The following TENM2 variants were observed in gnomAD, a reference collection of about 807,000 sequenced individuals.
TENM2 encodes teneurin transmembrane protein 2.
In TENM2, 52 loss-of-function variants were observed where a neutral mutation model predicts 245.2. The observed-to-expected ratio is 0.21, with a 90% CI of 0.17 to 0.27. The LOEUF (loss-of-function observed/expected upper bound fraction) is 0.27. Among genes scored for constraint, TENM2 ranks in the 10% least tolerant of loss-of-function variants. TENM2 has a pLI of 1.00. For synonymous variants in TENM2, 1,363 were observed against 1,438.9 expected (o/e 0.95, Z 1.19); for missense variants, 3,046 against 3,666.8 (o/e 0.83, Z 4.37).
At chr5:168,231,764 A>AAAC (rs375964905) in intron 25 of TENM2, among the ~76,000 whole-genome samples, 1 of 151,656 alleles carries the variant, frequency 6.6e-6, no homozygotes, top group Non-Finnish European at 1.5e-5. Context: ...CTACAACAAC[A>AAAC]AACAACAACA....
chr5:167,969,655 C>G (rs1412353592), intron 4 of TENM2, among the ~76,000 whole-genome samples: 2 of 152,198 alleles, frequency 1.3e-5, no homozygotes, highest in Non-Finnish European at 2.9e-5. Flanking sequence ...CTCAGCCTTG[C>G]ACTTCTTTAC....
chr5:168,209,375 C>G (rs1226740155), intron 19 of TENM2, among the ~76,000 whole-genome samples: 2 of 152,200 alleles, frequency 1.3e-5, no homozygotes, highest in African/African-American at 2.4e-5. Context: ...CTTTTACTCT[C>G]TGCAGTGATG....
chr5:167,282,128 A>G (rs71603826), upstream of TENM2, among the ~76,000 whole-genome samples: 1 of 152,196 alleles, frequency 6.6e-6, no homozygotes, highest in African/African-American at 2.4e-5. Flanking sequence ...TTTCCCAAGC[A>G]CAATGCAAAT....
intron 2 of TENM2, among the ~76,000 whole-genome samples, chr5:167,521,356 C>A (rs1305547526): frequency 6.6e-6 from 1 of 152,092 alleles, no homozygotes; most frequent in Non-Finnish European, 1.5e-5. Context: ...TGCATACCAG[C>A]AGAGAAAGAT....
chr5:167,145,455 C>G, the TENM2 span, among the ~76,000 whole-genome samples: 1 of 152,214 alleles, frequency 6.6e-6, no homozygotes, highest in Admixed American at 6.5e-5. Context: ...TTAATCCCAC[C>G]CAACCTTCGA....
chr5:168,236,476 TC>T (rs1302191433), intron 25 of TENM2, among the ~76,000 whole-genome samples: 5 of 152,036 alleles, frequency 3.3e-5, no homozygotes, highest in African/African-American at 4.8e-5. Flanking sequence ...CCCTGATTCT[TC>T]TCCCACCCTC....
At chr5:167,853,590 C>A (rs994284069) in intron 2 of TENM2, among the ~76,000 whole-genome samples, 1 of 152,058 alleles carries the variant, frequency 6.6e-6, no homozygotes, top group Admixed American at 6.6e-5. Flanking sequence ...TATTTTAAGG[C>A]AAATGTTTAT....
chr5:168,229,699 G>C (rs1196783895), intron 25 of TENM2: 1 of 152,168 alleles, frequency 6.6e-6, no homozygotes, highest in African/African-American at 2.4e-5. Flanking sequence ...TTGAAATCCA[G>C]CCAGCCCAGG....
chr5:168,220,143 G>C (rs954844328), intron 23 of TENM2, among the ~76,000 whole-genome samples: 1 of 152,140 alleles, frequency 6.6e-6, no homozygotes, highest in Non-Finnish European at 1.5e-5. Flanking sequence ...CTGCCCTCGA[G>C]GGTACCATCC....
At position 168,077,965 on chromosome 5, in the gene TENM2, A is replaced by C. The variant is rs1791630339; in HGVS notation, c.1516-12609A>C. ...CCCAGTAACAGGATGGCTGGCACAA[A>C]TGGTATTTCTAGTTCTAGATCCTTG... On this transcript the variant is annotated intron_variant, in intron 7 of 28. Coordinates refer to ENST00000518659, the Ensembl canonical transcript of TENM2. Among the ~76,000 whole-genome samples, 3 of 152,326 alleles carry C rather than the reference A, an allele frequency of 2.0e-5. No individual in the cohort carries two copies. In the Middle Eastern group the frequency reaches 0.01, roughly 518 times the overall value.
the TENM2 span, among the ~76,000 whole-genome samples, chr5:167,220,741 A>T: frequency 6.6e-6 from 1 of 152,180 alleles, no homozygotes; most frequent in Non-Finnish European, 1.5e-5. Flanking sequence ...CTGAAAGATG[A>T]GGATGATAAT....
intron 2 of TENM2, among the ~76,000 whole-genome samples, chr5:167,734,096 AT>A (rs1379440726): frequency 6.6e-6 from 1 of 152,000 alleles, no homozygotes; most frequent in Non-Finnish European, 1.5e-5. Context: ...GACTTTGGGG[AT>A]TTTCTGTAAT....
At chr5:167,216,969 A>G in the TENM2 span, among the ~76,000 whole-genome samples, 18 of 152,236 alleles carry the variant, frequency 1.2e-4, no homozygotes, top group Middle Eastern at 6.8e-3. Flanking sequence ...AACTGTATGT[A>G]TGTGATTTCA....
the TENM2 span, among the ~76,000 whole-genome samples, chr5:167,268,240 A>G: frequency 6.6e-5 from 10 of 152,204 alleles, no homozygotes; most frequent in African/African-American, 2.4e-4. Flanking sequence ...AATAATGGAC[A>G]AAATAATAAT....
the TENM2 span, among the ~76,000 whole-genome samples, chr5:167,121,646 G>A: frequency 2.6e-5 from 4 of 152,198 alleles, no homozygotes; most frequent in African/African-American, 9.7e-5. Flanking sequence ...TCAAAAGTGA[G>A]GGGGCTAGAA....
chr5:167,107,059 GCAT>G, the TENM2 span, among the ~76,000 whole-genome samples: 1 of 145,406 alleles, frequency 6.9e-6, no homozygotes, highest in Non-Finnish European at 1.5e-5. Flanking sequence ...AGCCTGGGCA[GCAT>G]GGCGAAACCC....
In TENM2 at chr5:167,419,350, T is replaced by C. The variant is rs555623345; in HGVS notation, c.502+43877T>C. On this transcript the variant is annotated intron_variant, in intron 2 of 28. Transcript: ENST00000518659. The stretch of plus-strand genomic sequence containing the variant: ...GGTGGCTCATGCCTGTAATCCCTGC[T>C]ACTTGGGAGGCTGAGGCAGGAGAAT... Among the ~76,000 whole-genome samples, 6 of 152,250 alleles carry C rather than the reference T, an allele frequency of 3.9e-5. No individual in the cohort carries two copies. The South Asian group carries it at 1.2e-3, about 32-fold the overall frequency.
At chr5:167,577,837 C>A (rs1025885098) in intron 2 of TENM2, among the ~76,000 whole-genome samples, 5 of 152,134 alleles carry the variant, frequency 3.3e-5, no homozygotes, top group African/African-American at 1.2e-4. Flanking sequence ...GACGAAGATG[C>A]AAAATATGCG....
chr5:168,163,538 A>G (rs1757938025), intron 13 of TENM2, among the ~76,000 whole-genome samples: 1 of 152,148 alleles, frequency 6.6e-6, no homozygotes. Flanking sequence ...GCACTTTGGG[A>G]GGCCATCACC....
Sources: allele counts gnomAD v4.1 joint callset (sites outside exome capture counted in the v4.1 genomes callset), GRCh38; gene constraint gnomAD v4.1.1; transcripts MANE v1.5; gene names NCBI Gene and HGNC (gene_info 2026-07-23, HGNC 2026-07-21).